LCOR: variants seen among roughly 807,000 people sequenced by gnomAD.
The protein encoded by LCOR is ligand dependent nuclear receptor corepressor, also known as ligand-dependent corepressor.
Under a neutral mutation model 64.4 loss-of-function variants are expected in LCOR, and 14 were observed. That is an observed-to-expected ratio of 0.22 (90% CI 0.14 to 0.34). The LOEUF is 0.34. Ranked by LOEUF, LCOR falls within the 10% of genes least tolerant of loss-of-function variation. The probability of loss-of-function intolerance (pLI) is 1.00; values close to 1 mark genes in which losing one functional copy is unlikely to be tolerated. For synonymous variants in LCOR, 643 were observed against 642.5 expected, an observed-to-expected ratio of 1.00 and a Z score of -0.01; for missense variants, 1,686 against 1,765.3, an observed-to-expected ratio of 0.96 and a Z score of 0.80.
chr10:96,887,172 A>G (rs1846357390), intron 2 of LCOR, among the ~76,000 whole-genome samples: 1 of 152,222 alleles, frequency 6.6e-6, no homozygotes, highest in Non-Finnish European at 1.5e-5. Context: ...AAATTAAGAC[A>G]GTGGCACCAA....
chr10:96,833,592 T>G (rs1845386961), intron 2 of LCOR, 113 bp downstream of exon 2: 1 of 333,122 alleles, frequency 3.0e-6, no homozygotes. Flanking sequence ...TTTGCTTCGG[T>G]GCTGCTGGTG....
At chr10:96,962,055 G>A (rs997642534) in intron 7 of LCOR, 1 of 152,042 alleles carries the variant, frequency 6.6e-6, no homozygotes, top group South Asian at 2.1e-4. Context: ...CTTAGGTACT[G>A]TAAGTTTTTG....
intron 4 of LCOR, among the ~76,000 whole-genome samples, chr10:96,914,483 C>T (rs1846903222): frequency 6.6e-6 from 1 of 152,260 alleles, no homozygotes; most frequent in African/African-American, 2.4e-5. Context: ...AGGCGCGAGC[C>T]ACCGCGCCTG....
chr10:96,869,686 T>C (rs1054528346), intron 2 of LCOR, among the ~76,000 whole-genome samples: 3 of 151,676 alleles, frequency 2.0e-5, no homozygotes, highest in Non-Finnish European at 4.4e-5. Flanking sequence ...GCGATTCTCC[T>C]GCCTCAGCCT....
At chr10:96,926,665 C>T (rs778879589) in intron 4 of LCOR, among the ~76,000 whole-genome samples, 10 of 152,120 alleles carry the variant, frequency 6.6e-5, no homozygotes, top group African/African-American at 2.4e-4. Flanking sequence ...AGACACAGGA[C>T]ATTTCCCTCA....
At chr10:96,950,628 T>G (rs2134525113) in intron 6 of LCOR, among the ~76,000 whole-genome samples, 1 of 152,244 alleles carries the variant, frequency 6.6e-6, no homozygotes, top group East Asian at 1.9e-4. Flanking sequence ...TACATTGTAT[T>G]GACAGCATGC....
At chr10:96,898,030 G>A (rs892738805) in intron 2 of LCOR, among the ~76,000 whole-genome samples, 8 of 152,030 alleles carry the variant, frequency 5.3e-5, no homozygotes, top group African/African-American at 1.9e-4. Flanking sequence ...GAGTGTGTTT[G>A]CATTCATCCA....
At chr10:96,897,536 C>CA (rs1846560269) in intron 2 of LCOR, among the ~76,000 whole-genome samples, 1 of 152,196 alleles carries the variant, frequency 6.6e-6, no homozygotes, top group African/African-American at 2.4e-5. Flanking sequence ...CCTAGCTACT[C>CA]ACTACCTCTG....
chr10:96,927,082 T>C (rs1049686328), intron 4 of LCOR, among the ~76,000 whole-genome samples: 3 of 152,180 alleles, frequency 2.0e-5, no homozygotes, highest in Non-Finnish European at 4.4e-5. Context: ...TTTAACGTTA[T>C]ATTATGATAC....
At chr10:96,966,259 C>T (rs1398763537) in intron 7 of LCOR, among the ~76,000 whole-genome samples, 7 of 113,966 alleles carry the variant, frequency 6.1e-5, no homozygotes, top group South Asian at 3.1e-4. Flanking sequence ...GACGGAGTCT[C>T]GCTGTGTCTC....
chr10:96,842,369 G>A (rs1478634642), intron 2 of LCOR, among the ~76,000 whole-genome samples: 1 of 152,008 alleles, frequency 6.6e-6, no homozygotes, highest in East Asian at 1.9e-4. Context: ...ACTCCAGCCT[G>A]GTGACAGATC....
intron 4 of LCOR, among the ~76,000 whole-genome samples, chr10:96,910,756 A>G (rs912927311): frequency 5.3e-5 from 8 of 152,202 alleles, no homozygotes; most frequent in Non-Finnish European, 1.0e-4. Context: ...GCATGGTGAG[A>G]TAATCTAGGT....
intron 2 of LCOR, among the ~76,000 whole-genome samples, chr10:96,880,682 G>A (rs1391771191): frequency 2.0e-5 from 3 of 152,190 alleles, no homozygotes; most frequent in Non-Finnish European, 4.4e-5. Context: ...ACAGGCATGA[G>A]CCACCACACC....
intron 7 of LCOR, chr10:96,961,047 G>T (rs532765509): frequency 6.6e-6 from 1 of 152,264 alleles, no homozygotes; most frequent in African/African-American, 2.4e-5. Flanking sequence ...TTGGGGTGGG[G>T]AGGGTGGAGT....
intron 7 of LCOR, chr10:96,958,251 C>A: frequency 7.5e-7 from 1 of 1,324,860 alleles, no homozygotes; most frequent in Non-Finnish European, 9.7e-7. Flanking sequence ...AAAATCTGGC[C>A]CTAAAAGTTC....
At chr10:96,945,643 T>C (rs1187652698) in intron 5 of LCOR, among the ~76,000 whole-genome samples, 2 of 152,190 alleles carry the variant, frequency 1.3e-5, no homozygotes, top group Non-Finnish European at 2.9e-5. Context: ...AGAGCAGTTC[T>C]ATCAGTTTGC....
intron 2 of LCOR, among the ~76,000 whole-genome samples, chr10:96,848,738 G>C (rs1297416440): frequency 1.3e-5 from 2 of 152,138 alleles, no homozygotes; most frequent in Admixed American, 6.6e-5. Context: ...AGGATCTTCA[G>C]ATTATTGCAT....
chr10:96,845,708 C>G (rs2134370865), intron 2 of LCOR, among the ~76,000 whole-genome samples: 1 of 151,264 alleles, frequency 6.6e-6, no homozygotes, highest in South Asian at 2.1e-4. Flanking sequence ...ACCTCGTGAT[C>G]TACCCGCCTC....
At chr10:96,935,540 CA>C (rs762744318) in intron 4 of LCOR, among the ~76,000 whole-genome samples, 1 of 151,968 alleles carries the variant, frequency 6.6e-6, no homozygotes, top group Non-Finnish European at 1.5e-5. Flanking sequence ...GTTGACTTTA[CA>C]AACAGAATTC....
Sources: gnomAD v4.1 joint callset for allele counts (sites outside exome capture counted in the v4.1 genomes callset) on GRCh38, gnomAD v4.1.1 for gene constraint, MANE v1.5 for transcripts, NCBI Gene and HGNC (gene_info 2026-07-23, HGNC 2026-07-21) for gene names.